The following PTGR3 variants were observed in gnomAD, a reference collection of about 807,000 sequenced individuals.
PTGR3 encodes prostaglandin reductase 3, also known as zinc binding alcohol dehydrogenase domain containing 2.
the PTGR3 span, chr18:75,197,870 A>G: frequency 6.6e-6 from 1 of 151,840 alleles, no homozygotes; most frequent in Non-Finnish European, 1.5e-5. Flanking sequence ...CACCTAGGAA[A>G]TTACTGTCCA....
the PTGR3 span, among the ~76,000 whole-genome samples, chr18:75,206,253 A>T: frequency 6.6e-6 from 1 of 152,212 alleles, no homozygotes; most frequent in Admixed American, 6.5e-5. Flanking sequence ...TCTAGCTTAC[A>T]AGCACATCCC....
chr18:75,206,315 A>G, the PTGR3 span, among the ~76,000 whole-genome samples: 3 of 152,224 alleles, frequency 2.0e-5, no homozygotes. Flanking sequence ...TGAAATGTGC[A>G]AATTGTTCAC....
the PTGR3 span, among the ~76,000 whole-genome samples, chr18:75,206,677 A>C: frequency 2.0e-5 from 3 of 152,210 alleles, no homozygotes; most frequent in African/African-American, 4.8e-5. Context: ...CCCAACTCAA[A>C]AGAAAACTGT....
chr18:75,208,576 TGGA>T, the PTGR3 span: 5 of 975,072 alleles, frequency 5.1e-6, no homozygotes, highest in Admixed American at 1.6e-4. Flanking sequence ...GAGGGAGGGC[TGGA>T]GGAGGGGAGG....
chr18:75,204,201 T>C, the PTGR3 span, among the ~76,000 whole-genome samples: 1 of 152,152 alleles, frequency 6.6e-6, no homozygotes, highest in East Asian at 1.9e-4. Flanking sequence ...ACGGCAGTCC[T>C]CCCCACCTCG....
the PTGR3 span, chr18:75,205,076 G>A: frequency 1.1e-6 from 1 of 877,706 alleles, no homozygotes; most frequent in Non-Finnish European, 1.4e-6. Flanking sequence ...TGTCTCCTTG[G>A]TCTCCCTGCC....
chr18:75,208,850 C>T, the PTGR3 span: 5 of 1,501,080 alleles, frequency 3.3e-6, no homozygotes, highest in Non-Finnish European at 3.6e-6. Context: ...CCGGGCTCAC[C>T]GGTTCCGGAC....
the PTGR3 span, chr18:75,208,786 G>C: frequency 1.3e-4 from 165 of 1,304,762 alleles, no homozygotes; most frequent in Non-Finnish European, 1.4e-4. Context: ...CTGCGGGAGC[G>C]GCGCGGCGCG....
At chr18:75,205,133 G>T in the PTGR3 span, 1 of 984,612 alleles carries the variant, frequency 1.0e-6, no homozygotes, top group Non-Finnish European at 1.2e-6. Context: ...GCTTTGACGC[G>T]GCTTCGCCCC....
chr18:75,207,956 G>A, the PTGR3 span, among the ~76,000 whole-genome samples: 1 of 152,164 alleles, frequency 6.6e-6, no homozygotes, highest in South Asian at 2.1e-4. Flanking sequence ...AGGGCATAGA[G>A]GAGCGCCTTG....
At chr18:75,201,250 GGAA>G in the PTGR3 span, 1 of 610,142 alleles carries the variant, frequency 1.6e-6, no homozygotes, top group Non-Finnish European at 2.7e-6. Context: ...TTCCCCCAAG[GGAA>G]GAGGAGGAGG....
At chr18:75,198,139 C>T in the PTGR3 span, 1 of 152,168 alleles carries the variant, frequency 6.6e-6, no homozygotes, top group African/African-American at 2.4e-5. Context: ...CCATTATAAA[C>T]GTTACCCAAA....
the PTGR3 span, chr18:75,201,240 T>C: frequency 5.0e-6 from 3 of 596,188 alleles, no homozygotes; most frequent in African/African-American, 1.8e-5. Flanking sequence ...ATTTTTTTTT[T>C]TCCCCCAAGG....
At chr18:75,195,849 G>A in the PTGR3 span, 2 of 152,240 alleles carry the variant, frequency 1.3e-5, no homozygotes, top group Middle Eastern at 3.2e-3. Flanking sequence ...AGGAGGTCAA[G>A]GCTGCAGTGA....
the PTGR3 span, among the ~76,000 whole-genome samples, chr18:75,202,823 G>A: frequency 6.6e-6 from 1 of 152,178 alleles, no homozygotes. Flanking sequence ...AAGTAGACTT[G>A]TATTGATTCT....
chr18:75,209,115 G>T, the PTGR3 span: 1 of 1,369,294 alleles, frequency 7.3e-7, no homozygotes, highest in Non-Finnish European at 9.4e-7. The surrounding 1 kb of genome is among the most constrained non-coding windows in gnomAD (Gnocchi z 4.7). Flanking sequence ...GCCCCCGCCC[G>T]GGCCGCTCGG....
chr18:75,204,872 C>A, the PTGR3 span, among the ~76,000 whole-genome samples: 4 of 152,210 alleles, frequency 2.6e-5, no homozygotes, highest in Non-Finnish European at 4.4e-5. Flanking sequence ...GCACTCGGCG[C>A]GCCGGAGCGC....
At chr18:75,196,416 C>A in the PTGR3 span, 1 of 151,768 alleles carries the variant, frequency 6.6e-6, no homozygotes, top group African/African-American at 2.4e-5. Context: ...TTGCTTGAGC[C>A]CAGGAGTTCC....
the PTGR3 span, chr18:75,201,410 C>T: frequency 6.3e-7 from 1 of 1,597,000 alleles, no homozygotes; most frequent in Non-Finnish European, 8.6e-7. Flanking sequence ...TGTCATTGTT[C>T]TGTTTTTACA....
Sources: gnomAD v4.1 joint callset for allele counts (sites outside exome capture counted in the v4.1 genomes callset) on GRCh38, gnomAD v4.1.1 for gene constraint, Gnocchi (gnomAD v3.1) non-coding constraint, MANE v1.5 for transcripts, NCBI Gene and HGNC (gene_info 2026-07-23, HGNC 2026-07-21) for gene names.